WWC1: variants seen among roughly 807,000 people sequenced by gnomAD.
WWC1 encodes WW and C2 domain containing 1.
A neutral mutation model predicts 138.4 loss-of-function variants in WWC1; 55 were observed. The observed-to-expected ratio is 0.40, with a 90% confidence interval of 0.32 to 0.50. The LOEUF (loss-of-function observed/expected upper bound fraction) is 0.50, where lower values mean the gene tolerates loss of function less well. Among genes scored for constraint, WWC1 ranks in the 20% least tolerant of loss-of-function variants. The pLI is 0.72. For synonymous variants in WWC1, 524 were observed against 564.9 expected, an observed-to-expected ratio of 0.93 and a Z score of 1.03; for missense variants, 1,226 against 1,420.4, an observed-to-expected ratio of 0.86 and a Z score of 2.20.
chr5:168,317,249 G>C (rs185725766), intron 1 of WWC1, among the ~76,000 whole-genome samples: 1 of 152,160 alleles, frequency 6.6e-6, no homozygotes, highest in African/African-American at 2.4e-5. Flanking sequence ...GGTATTTGGC[G>C]TGTTGATGTG....
chr5:168,440,924 A>G (rs966407437), intron 15 of WWC1, among the ~76,000 whole-genome samples: 4 of 152,190 alleles, frequency 2.6e-5, no homozygotes, highest in Non-Finnish European at 5.9e-5. Flanking sequence ...AGATGGCTGG[A>G]TAAGCAAAAT....
At chr5:168,427,450 C>G (rs1187099884) in intron 11 of WWC1, among the ~76,000 whole-genome samples, 1 of 151,620 alleles carries the variant, frequency 6.6e-6, no homozygotes, top group Non-Finnish European at 1.5e-5. Context: ...GTGGTGGAGC[C>G]GGATTTGAAT....
intron 2 of WWC1, among the ~76,000 whole-genome samples, chr5:168,378,804 G>C (rs921371308): frequency 6.6e-6 from 1 of 152,176 alleles, no homozygotes; most frequent in Non-Finnish European, 1.5e-5. Context: ...TCATTGTTTT[G>C]AATTTGCACT....
intron 19 of WWC1, among the ~76,000 whole-genome samples, chr5:168,460,071 G>A (rs976965475): frequency 1.3e-5 from 2 of 152,170 alleles, no homozygotes; most frequent in Non-Finnish European, 2.9e-5. Context: ...GGAGAGTTAC[G>A]ATCTGCCCCA....
intron 2 of WWC1, 91 bp from the exon 3 acceptor site, chr5:168,385,120 G>A: frequency 1.5e-6 from 2 of 1,300,440 alleles, no homozygotes; most frequent in Non-Finnish European, 2.1e-6. Flanking sequence ...TATGCATTTT[G>A]CTTTTTGTTT....
intron 1 of WWC1, among the ~76,000 whole-genome samples, chr5:168,309,619 T>C (rs1294987143): frequency 1.3e-5 from 2 of 152,190 alleles, no homozygotes; most frequent in Non-Finnish European, 2.9e-5. Flanking sequence ...ATTCCTTTTC[T>C]GTTTATTCCT....
intron 1 of WWC1, among the ~76,000 whole-genome samples, chr5:168,296,709 A>G (rs1363357952): frequency 2.0e-5 from 3 of 152,200 alleles, no homozygotes; most frequent in South Asian, 2.1e-4. Flanking sequence ...ACTAGGTACA[A>G]TTATTACCCA....
intron 1 of WWC1, among the ~76,000 whole-genome samples, chr5:168,350,359 A>G (rs1051821901): frequency 6.6e-6 from 1 of 152,198 alleles, no homozygotes; most frequent in African/African-American, 2.4e-5. Flanking sequence ...ACGTGGATGG[A>G]GAATCTTTAG....
chr5:168,451,843 A>G (rs1755847544), intron 17 of WWC1, among the ~76,000 whole-genome samples: 1 of 151,978 alleles, frequency 6.6e-6, no homozygotes, highest in South Asian at 2.1e-4. Context: ...AACTCTTAGA[A>G]CATTGCTCAG....
intron 2 of WWC1, among the ~76,000 whole-genome samples, chr5:168,384,818 A>G (rs866159619): frequency 6.7e-6 from 1 of 150,272 alleles, no homozygotes; most frequent in Non-Finnish European, 1.5e-5. Context: ...CCTGGGTTCA[A>G]GCAATTCCCC....
intron 1 of WWC1, among the ~76,000 whole-genome samples, chr5:168,345,312 C>G (rs968320178): frequency 3.9e-5 from 6 of 152,124 alleles, no homozygotes; most frequent in Non-Finnish European, 8.8e-5. Flanking sequence ...GCCATATTGG[C>G]CAGGCTGGTT....
chr5:168,322,248 A>G (rs1772172274), intron 1 of WWC1, among the ~76,000 whole-genome samples: 1 of 151,302 alleles, frequency 6.6e-6, no homozygotes, highest in African/African-American at 2.4e-5. Flanking sequence ...CACTCTTCTC[A>G]CCAATTTTGA....
rs1168916071 is a variant in WWC1, at chr5:168,403,004, CTTTTTCTTTCTTTCTTTCTT to C, written c.591-3192_591-3173del. Among the ~76,000 whole-genome samples, 129 of 125,504 alleles carry C rather than the reference CTTTTTCTTTCTTTCTTTCTT, an allele frequency of 1.0e-3. 1 individual carries two copies. Among genetic ancestry groups the C allele is most frequent in the South Asian group, 7.9e-3 (27 of 3,402 alleles). The allele number at this position is 125,504 out of a possible 152,430, so 82.3% of individuals were successfully genotyped here. A position where few individuals can be genotyped will look rare whatever the true frequency, so the allele number is the denominator to read the frequency against. ...TTAGCAGCCAAAAGCTCTGTTGTTT[CTTTTTCTTTCTTTCTTTCTT>C]TCTTTCTTTCTTTCTTTCTTTCTTT... On this transcript the variant is annotated intron_variant, in intron 5 of 22. Coordinates refer to ENST00000265293, the MANE Select transcript of WWC1 (RefSeq NM_015238.3).
At chr5:168,358,728 T>C (rs1256700871) in intron 1 of WWC1, among the ~76,000 whole-genome samples, 2 of 152,184 alleles carry the variant, frequency 1.3e-5, no homozygotes, top group African/African-American at 4.8e-5. Flanking sequence ...TATTGAGGAA[T>C]TTTTGAAGTC....
At chr5:168,327,786 C>T (rs868255773) in intron 1 of WWC1, among the ~76,000 whole-genome samples, 1 of 152,270 alleles carries the variant, frequency 6.6e-6, no homozygotes, top group Middle Eastern at 3.4e-3. Context: ...GCTGCTGTCT[C>T]CACTCTGGAA....
chr5:168,465,933 A>G (rs1237110205), intron 21 of WWC1, among the ~76,000 whole-genome samples: 2 of 152,104 alleles, frequency 1.3e-5, no homozygotes, highest in Non-Finnish European at 1.5e-5. Context: ...GCTGGGGGCT[A>G]CTGCCCAGTG....
chr5:168,464,812 C>T lies in WWC1; in HGVS notation c.3000C>T (p.Thr1000=), dbSNP rs1757121059. The T allele has an allele frequency of 6.2e-7, 1 of 1,614,228 alleles. No individual in the cohort carries two copies. The highest frequency in any genetic ancestry group is 1.3e-5 in the African/African-American group (1 of 75,054). The change falls in exon 21 of 23, where the codon ACC becomes ACT. Residue 1000 remains threonine, a synonymous_variant. Coordinates refer to ENST00000265293, the MANE Select transcript of WWC1 (RefSeq NM_015238.3). ...DLELDLQATR[T]WHSQLTQEIS... The stretch of plus-strand genomic sequence containing the variant: ...AGTTAGACCTGCAGGCGACAAGAAC[C>T]TGGCACAGCCAATTGACCCAGGAGA...
intron 1 of WWC1, among the ~76,000 whole-genome samples, chr5:168,340,802 G>A (rs972501396): frequency 6.6e-5 from 10 of 152,146 alleles, no homozygotes; most frequent in South Asian, 4.1e-4. Context: ...GAACATTCAC[G>A]TACAAACTTT....
chr5:168,415,834 GTGTGTGTGTGTGT>G, intron 9 of WWC1: 1 of 131,490 alleles, frequency 7.6e-6, no homozygotes, highest in African/African-American at 2.9e-5. Context: ...GTGTGTGTGT[GTGTGTGTGTGTGT>G]GTGTGGCATA....
Sources: gnomAD v4.1 joint callset for allele counts (sites outside exome capture counted in the v4.1 genomes callset) on GRCh38, gnomAD v4.1.1 for gene constraint, MANE v1.5 for transcripts, NCBI Gene and HGNC (gene_info 2026-07-23, HGNC 2026-07-21) for gene names.